Variants in MED13L observed in about 807,000 individuals in gnomAD.
MED13L encodes mediator complex subunit 13L.
Under a neutral mutation model 220.9 loss-of-function variants are expected in MED13L, and 7 were observed. The observed-to-expected ratio is 0.03, with a 90% CI of 0.02 to 0.06. The LOEUF is 0.06. MED13L is among the 10% of genes least tolerant of loss of function. The pLI is 1.00. For synonymous variants in MED13L, 1,011 were observed against 1,015.2 expected (o/e 1.00, Z 0.08); for missense variants, 1,965 against 2,760.5 (o/e 0.71, Z 6.46).
At chr12:116,038,744 CAAAAAAAA>C (rs63703461) in intron 4 of MED13L, among the ~76,000 whole-genome samples, 128 of 75,270 alleles carry the variant, frequency 1.7e-3, no homozygotes, top group African/African-American at 7.0e-3. Flanking sequence ...GTCAAAAGGC[CAAAAAAAA>C]AAAAAAAAAA....
chr12:115,978,015 T>C (rs529821657), intron 23 of MED13L, among the ~76,000 whole-genome samples: 15 of 151,628 alleles, frequency 9.9e-5, no homozygotes, highest in Admixed American at 7.2e-4. Context: ...AATAAAAAAA[T>C]TGGGGGGAAG....
At chr12:116,008,151 T>C in intron 10 of MED13L, 2 of 498,722 alleles carry the variant, frequency 4.0e-6, no homozygotes, top group Non-Finnish European at 6.9e-6. Context: ...AGGGCAAAAA[T>C]GTATTAATAT....
chr12:116,031,725 GAA>G lies in MED13L; in HGVS notation c.480-9126_480-9125del, dbSNP rs1566020619. ...GAAAAGAAAAGAAAAGAAAAGAAAA[GAA>G]AAGAAAAGAAAAGAAAAGAAAAGAA... On this transcript the variant is annotated intron_variant, in intron 4 of 30. Coordinates refer to ENST00000281928, the MANE Select transcript of MED13L (RefSeq NM_015335.5). Among the ~76,000 whole-genome samples, 654 of 66,792 alleles carry G rather than the reference GAA, an allele frequency of 9.8e-3. 28 individuals carry two copies. Among genetic ancestry groups the G allele is most frequent in the African/African-American group, 0.043 (569 of 13,100 alleles). 43.8% of individuals were successfully genotyped at this position (66,792 alleles called of 152,430 possible).
At chr12:116,051,388 G>C (rs929752563) in intron 4 of MED13L, among the ~76,000 whole-genome samples, 1 of 152,064 alleles carries the variant, frequency 6.6e-6, no homozygotes, top group Non-Finnish European at 1.5e-5. Flanking sequence ...TCTCCATAAA[G>C]GGAGTAAATA....
At chr12:116,158,700 A>C (rs1018815564) in intron 2 of MED13L, among the ~76,000 whole-genome samples, 2 of 152,208 alleles carry the variant, frequency 1.3e-5, no homozygotes, top group African/African-American at 4.8e-5. Context: ...GCGATGAGGA[A>C]TCAAAATTAA....
At chr12:116,000,677 A>G (rs1293560960) in intron 14 of MED13L, among the ~76,000 whole-genome samples, 1 of 152,230 alleles carries the variant, frequency 6.6e-6, no homozygotes, top group Non-Finnish European at 1.5e-5. Flanking sequence ...GAAAATTTGT[A>G]AGAAAGTGGT....
chr12:116,276,517 G>A, intron 1 of MED13L: 5 of 1,284,406 alleles, frequency 3.9e-6, no homozygotes, highest in Non-Finnish European at 4.1e-6. Flanking sequence ...ACAATCGCGG[G>A]AGCTTCGGGT....
intron 28 of MED13L, 124 bp downstream of exon 28, chr12:115,968,816 T>G: frequency 8.2e-7 from 1 of 1,225,916 alleles, no homozygotes. Flanking sequence ...CACTTATTTC[T>G]CTTGTACCAA....
Position 116,103,999 on chromosome 12 carries a change from C to CTTTTTTT in MED13L, c.396-7254_396-7248dup, listed in dbSNP as rs36066243. Among the ~76,000 whole-genome samples, 321 of 57,474 alleles carry CTTTTTTT rather than the reference C, an allele frequency of 5.6e-3. 37 individuals are homozygous for CTTTTTTT. The highest frequency in any genetic ancestry group is 0.014 in the South Asian group (14 of 998). 37.7% of individuals were successfully genotyped at this position (57,474 alleles called of 152,430 possible). ...CACCACCACATCCAAGGACATTGCT[C>CTTTTTTT]TTTTTTTTTTTTTTTTTTTTTTTTT... On this transcript the variant is annotated intron_variant, in intron 3 of 30. Coordinates refer to ENST00000281928, the MANE Select transcript of MED13L (RefSeq NM_015335.5).
At chr12:115,973,870 T>C (rs1876755009) in intron 25 of MED13L, among the ~76,000 whole-genome samples, 1 of 152,236 alleles carries the variant, frequency 6.6e-6, no homozygotes, top group African/African-American at 2.4e-5. Context: ...ATTTACTTAA[T>C]ACATATGATG....
chr12:116,180,933 T>C (rs554800468), intron 2 of MED13L, among the ~76,000 whole-genome samples: 38 of 12,362 alleles, frequency 3.1e-3, no homozygotes, highest in East Asian at 0.012. Context: ...CTCTCTCTCT[T>C]TTTTTTTTTT....
intron 3 of MED13L, among the ~76,000 whole-genome samples, chr12:116,103,747 G>A (rs1351012182): frequency 1.3e-5 from 2 of 152,128 alleles, no homozygotes; most frequent in African/African-American, 4.8e-5. Context: ...TATCTGTACT[G>A]TCTCTTTCAT....
intron 3 of MED13L, among the ~76,000 whole-genome samples, chr12:116,103,851 T>C (rs1010601910): frequency 6.6e-6 from 1 of 152,190 alleles, no homozygotes; most frequent in Non-Finnish European, 1.5e-5. Context: ...ATTTATTGAT[T>C]ACTCATTTCT....
intron 2 of MED13L, among the ~76,000 whole-genome samples, chr12:116,165,467 A>T (rs909707267): frequency 6.6e-6 from 1 of 151,752 alleles, no homozygotes; most frequent in African/African-American, 2.4e-5. Context: ...AGCAGCTAGG[A>T]CTATAGGCGC....
chr12:116,054,598 CTAGA>C (rs1868793802), intron 4 of MED13L, among the ~76,000 whole-genome samples: 1 of 152,140 alleles, frequency 6.6e-6, no homozygotes, highest in African/African-American at 2.4e-5. Flanking sequence ...ACATTAATAA[CTAGA>C]TACTTAACGG....
Position 116,012,945 on chromosome 12 carries a change from A to G in MED13L, c.1176-44T>C, listed in dbSNP as rs773687934. On this transcript the variant is annotated intron_variant, in intron 8 of 30. Transcript: ENST00000281928. ...TGACTTATGTGTGAACATAATACCC[A>G]TACCCCTGGGGAGAAAAATGTTCAA... is the stretch of plus-strand genomic sequence containing the variant. 8.0e-6 allele frequency: 11 copies of G among 1,382,506 alleles called. No individual in the cohort carries two copies. In the Admixed American group the frequency reaches 1.0e-4, roughly 13 times the overall value. 85.6% of individuals were successfully genotyped at this position (1,382,506 alleles called of 1,614,324 possible).
At chr12:116,181,103 G>C (rs1250693026) in intron 2 of MED13L, 1 of 151,970 alleles carries the variant, frequency 6.6e-6, no homozygotes, top group African/African-American at 2.4e-5. Context: ...GCTAATTTTT[G>C]TATTTTCAGT....
intron 4 of MED13L, among the ~76,000 whole-genome samples, chr12:116,057,816 T>C (rs562041204): frequency 6.6e-6 from 1 of 152,238 alleles, no homozygotes; most frequent in South Asian, 2.1e-4. Context: ...AATGCCTAAA[T>C]TTGGTAAAGA....
chr12:116,060,767 G>A (rs1195911867), intron 4 of MED13L, among the ~76,000 whole-genome samples: 1 of 152,036 alleles, frequency 6.6e-6, no homozygotes, highest in Non-Finnish European at 1.5e-5. Flanking sequence ...AGACTGTATT[G>A]TGGAAGGAAA....
Sources: allele counts gnomAD v4.1 joint callset (sites outside exome capture counted in the v4.1 genomes callset), GRCh38; gene constraint gnomAD v4.1.1; transcripts MANE v1.5; gene names NCBI Gene and HGNC (gene_info 2026-07-23, HGNC 2026-07-21).